SLCO1B3: variants seen among roughly 807,000 people sequenced by gnomAD.
The protein encoded by SLCO1B3 is liver-specific organic anion transporter 2.
In SLCO1B3, 72 loss-of-function variants were observed where a neutral mutation model predicts 71.8. That is an observed-to-expected ratio of 1.00 (90% CI 0.83 to 1.22). The LOEUF is 1.22. SLCO1B3 is among the 50% of genes most tolerant of loss of function. The pLI is 0.00. For synonymous variants in SLCO1B3, 298 were observed against 278.4 expected (o/e 1.07, Z -0.70); for missense variants, 911 against 819.7 (o/e 1.11, Z -1.36).
intron 15 of SLCO1B3, among the ~76,000 whole-genome samples, chr12:20,903,924 G>A (rs12825129): frequency 0.1 from 15,399 of 152,186 alleles, 1,057 homozygotes; most frequent in Middle Eastern, 0.21. Flanking sequence ...TTCCACCTAT[G>A]AGCCTATTAA....
intron 13 of SLCO1B3, among the ~76,000 whole-genome samples, chr12:20,885,091 G>T (rs1233703067): frequency 6.6e-6 from 1 of 152,078 alleles, no homozygotes; most frequent in Admixed American, 6.6e-5. Flanking sequence ...TAAAAACATT[G>T]TTCCATCCTT....
chr12:20,834,002 G>A lies in SLCO1B3; in HGVS notation c.84+18180G>A, dbSNP rs1425364137. On this transcript the variant is annotated intron_variant, in intron 3 of 15. Transcript: ENST00000381545. Reference sequence around the variant, plus strand: ...ATAGTAAACATATATGTCTATGTGTGGATATGTGTATATGTATTATATTTA... The same window carrying A: ...ATAGTAAACATATATGTCTATGTGTAGATATGTGTATATGTATTATATTTA... Among the ~76,000 whole-genome samples, 37 of 145,214 alleles carry A rather than the reference G, an allele frequency of 2.5e-4. No individual in the cohort carries two copies. The East Asian group carries it at 7.4e-3, about 29-fold the overall frequency.
chr12:20,858,556 A>AT lies in SLCO1B3; in HGVS notation c.347dup (p.Phe117LeufsTer6), dbSNP rs774519432. On this transcript the variant is annotated frameshift_variant, in exon 5 of 16. Coordinates refer to ENST00000381545, the MANE Select transcript of SLCO1B3 (RefSeq NM_019844.4). LOFTEE classifies it high-confidence loss of function. ...GGAAGTATTTTGACATCTTTACCACATTTCTTCATGGGATAGTAAGTGTTA... is the reference window on the plus strand; with the variant it reads ...GGAAGTATTTTGACATCTTTACCACATTTTCTTCATGGGATAGTAAGTGTTA... 5.0e-6 allele frequency: 8 copies of AT among 1,606,458 alleles called. No homozygotes were observed. The highest frequency in any genetic ancestry group is 4.4e-5 in the South Asian group (4 of 90,784).
intron 12 of SLCO1B3, among the ~76,000 whole-genome samples, chr12:20,882,112 G>A (rs1373043257): frequency 6.6e-6 from 1 of 152,126 alleles, no homozygotes; most frequent in South Asian, 2.1e-4. Context: ...CCCTGGTCCT[G>A]TGTTGTCCAG....
chr12:20,890,024 T>A (rs904743111), intron 13 of SLCO1B3, among the ~76,000 whole-genome samples: 1 of 152,036 alleles, frequency 6.6e-6, no homozygotes, highest in Non-Finnish European at 1.5e-5. Context: ...TTCAAGCAGT[T>A]CTCTGGCCTC....
At chr12:20,880,821 C>CT (rs765345665) in intron 11 of SLCO1B3, 34 bp from the exon 12 acceptor site, 2 of 1,467,400 alleles carry the variant, frequency 1.4e-6, no homozygotes, top group Non-Finnish European at 1.9e-6. Flanking sequence ...TCCTCTTTCT[C>CT]TTTTTTTGAT....
At chr12:20,849,838 G>A (rs185485451) in intron 3 of SLCO1B3, among the ~76,000 whole-genome samples, 14 of 149,636 alleles carry the variant, frequency 9.4e-5, no homozygotes, top group African/African-American at 2.7e-4. Flanking sequence ...ATATATATAG[G>A]AACAAATTTA....
chr12:20,818,069 T>G (rs538620422), intron 3 of SLCO1B3, among the ~76,000 whole-genome samples: 7 of 152,178 alleles, frequency 4.6e-5, no homozygotes, highest in East Asian at 3.9e-4. Context: ...AAAGTTTTTT[T>G]GGGGCACAGT....
intron 3 of SLCO1B3, among the ~76,000 whole-genome samples, chr12:20,840,660 A>C (rs1864778589): frequency 6.6e-6 from 1 of 151,928 alleles, no homozygotes; most frequent in Non-Finnish European, 1.5e-5. Context: ...CAAAGTGTCA[A>C]TTTTTAAAAA....
At chr12:20,893,572 A>G (rs1453552840) in intron 13 of SLCO1B3, among the ~76,000 whole-genome samples, 2 of 152,162 alleles carry the variant, frequency 1.3e-5, no homozygotes, top group Non-Finnish European at 2.9e-5. Context: ...TGGAAGGAAA[A>G]AGCCTACAGG....
chr12:20,834,037 TTATA>T (rs538638020), intron 3 of SLCO1B3, among the ~76,000 whole-genome samples: 75 of 142,518 alleles, frequency 5.3e-4, no homozygotes, highest in African/African-American at 1.8e-3. Context: ...ATATATGTAT[TTATA>T]TATTATATGT....
intron 3 of SLCO1B3, chr12:20,845,313 GAGTAGAAAC>G (rs1864894478): frequency 5.5e-4 from 11 of 20,010 alleles, no homozygotes; most frequent in Non-Finnish European, 3.2e-3. Flanking sequence ...GATCAACAAT[GAGTAGAAAC>G]ATCATCAGTC....
intron 13 of SLCO1B3, among the ~76,000 whole-genome samples, chr12:20,893,453 T>C (rs2121345489): frequency 6.6e-6 from 1 of 152,264 alleles, no homozygotes. Context: ...GTGGTGCACT[T>C]CTTCTTGGGA....
chr12:20,867,617 ACAGT>A (rs1480709410), intron 8 of SLCO1B3, among the ~76,000 whole-genome samples: 3 of 152,212 alleles, frequency 2.0e-5, no homozygotes, highest in African/African-American at 4.8e-5. Context: ...TTGACATCAG[ACAGT>A]CTGGCAGAAG....
chr12:20,887,693 A>G (rs1009120209), intron 13 of SLCO1B3, among the ~76,000 whole-genome samples: 8 of 149,752 alleles, frequency 5.3e-5, no homozygotes, highest in Admixed American at 4.7e-4. Flanking sequence ...GATTATTATT[A>G]TTATTTTTTT....
In SLCO1B3 at chr12:20,829,081, A is replaced by G. The variant is rs563065023; in HGVS notation, c.84+13259A>G. ...TTGGAACTTTTCTTTGGCTTTGACCATGTTGAGTAGAGTTGGTCAAACCTA... is the reference window on the plus strand; with the variant it reads ...TTGGAACTTTTCTTTGGCTTTGACCGTGTTGAGTAGAGTTGGTCAAACCTA... On this transcript the variant is annotated intron_variant, in intron 3 of 15. Coordinates refer to ENST00000381545, the MANE Select transcript of SLCO1B3 (RefSeq NM_019844.4). 1.1e-3 allele frequency among the ~76,000 whole-genome samples: 162 copies of G among 152,348 alleles called. 4 individuals are homozygous for G. In the South Asian group the frequency reaches 0.033, roughly 31 times the overall value.
At chr12:20,868,838 C>T (rs1296698444) in intron 8 of SLCO1B3, among the ~76,000 whole-genome samples, 1 of 152,092 alleles carries the variant, frequency 6.6e-6, no homozygotes, top group African/African-American at 2.4e-5. Flanking sequence ...ATCACATGTC[C>T]ACTAGACAGG....
chr12:20,858,375 A>G, intron 4 of SLCO1B3, 64 bp from the exon 5 acceptor site: 2 of 1,163,218 alleles, frequency 1.7e-6, no homozygotes, highest in Non-Finnish European at 2.5e-6. Context: ...CATTTGGGGC[A>G]TTCAGTTCTA....
intron 2 of SLCO1B3, among the ~76,000 whole-genome samples, chr12:20,815,049 C>T (rs1049884442): frequency 6.8e-6 from 1 of 146,294 alleles, no homozygotes; most frequent in East Asian, 2.0e-4. Flanking sequence ...GTGGATAAAC[C>T]CTAAATACAG....
Sources: allele counts gnomAD v4.1 joint callset (sites outside exome capture counted in the v4.1 genomes callset), GRCh38; gene constraint gnomAD v4.1.1; transcripts MANE v1.5; gene names NCBI Gene and HGNC (gene_info 2026-07-23, HGNC 2026-07-21).